The following FOXP1 variants were observed in gnomAD, a reference collection of about 807,000 sequenced individuals.
FOXP1 encodes the protein forkhead box P1.
FOXP1 carries 15 observed loss-of-function variants against 98.2 expected under a neutral mutation model. The observed-to-expected ratio is 0.15, with a 90% CI of 0.10 to 0.24. The LOEUF (loss-of-function observed/expected upper bound fraction) is 0.24, where lower values mean the gene tolerates loss of function less well. Ranked by LOEUF, FOXP1 falls within the 10% of genes least tolerant of loss-of-function variation. The probability of loss-of-function intolerance (pLI) is 1.00; values close to 1 mark genes in which losing one functional copy is unlikely to be tolerated. For synonymous variants in FOXP1, 371 were observed against 314.5 expected, an observed-to-expected ratio of 1.18 and a Z score of -1.90; for missense variants, 633 against 848.5, an observed-to-expected ratio of 0.75 and a Z score of 3.15.
At chr3:71,398,136 T>A (rs2081676964) in intron 3 of FOXP1, among the ~76,000 whole-genome samples, 1 of 152,260 alleles carries the variant, frequency 6.6e-6, no homozygotes, top group South Asian at 2.1e-4. Flanking sequence ...AACATTATTT[T>A]AACAGAGCTT....
At chr3:71,335,231 G>A (rs1205595840) in intron 4 of FOXP1, 1 of 152,118 alleles carries the variant, frequency 6.6e-6, no homozygotes, top group Non-Finnish European at 1.5e-5. Context: ...ATTACAGTGA[G>A]CTATAATCGT....
chr3:70,972,376 G>C, intron 18 of FOXP1, 179 bp downstream of exon 18: 2 of 966,754 alleles, frequency 2.1e-6, no homozygotes, highest in South Asian at 1.4e-5. Context: ...CCAGCAAGCA[G>C]GGCAGGGGGA....
chr3:71,193,095 C>T (rs2063088818), intron 6 of FOXP1, among the ~76,000 whole-genome samples: 1 of 152,130 alleles, frequency 6.6e-6, no homozygotes, highest in Non-Finnish European at 1.5e-5. Flanking sequence ...TCAGGTTCCT[C>T]TGGCACTGTA....
At chr3:71,011,299 T>A (rs546394882) in intron 12 of FOXP1, among the ~76,000 whole-genome samples, 1 of 152,122 alleles carries the variant, frequency 6.6e-6, no homozygotes, top group East Asian at 1.9e-4. Flanking sequence ...GGAGGCAGCA[T>A]GTAATGCAAG....
chr3:71,082,525 G>A (rs1366566183), intron 7 of FOXP1, among the ~76,000 whole-genome samples: 2 of 151,808 alleles, frequency 1.3e-5, no homozygotes, highest in Admixed American at 6.6e-5. Flanking sequence ...ACCTAATGTA[G>A]ATGACGGGTT....
intron 3 of FOXP1, among the ~76,000 whole-genome samples, chr3:71,382,046 C>T (rs973859710): frequency 1.3e-5 from 2 of 152,124 alleles, no homozygotes; most frequent in African/African-American, 2.4e-5. Context: ...CCTAGGCAGG[C>T]GAGTTTCTTG....
At chr3:71,581,108 G>A (rs1386990678) in intron 2 of FOXP1, 1 of 971,924 alleles carries the variant, frequency 1.0e-6, no homozygotes. Flanking sequence ...TTCATTTTGG[G>A]TCTTCTGGTA....
chr3:71,408,627 G>A (rs1577350165), intron 3 of FOXP1, among the ~76,000 whole-genome samples: 1 of 152,246 alleles, frequency 6.6e-6, no homozygotes, highest in African/African-American at 2.4e-5. Flanking sequence ...GAAGCATTTA[G>A]ATGAGATAGT....
At chr3:71,308,645 C>A (rs2074451048) in intron 4 of FOXP1, among the ~76,000 whole-genome samples, 1 of 151,766 alleles carries the variant, frequency 6.6e-6, no homozygotes, top group Non-Finnish European at 1.5e-5. Context: ...AAACTGTCGC[C>A]CAAGGATCCT....
At chr3:71,418,476 A>G (rs531010499) in intron 3 of FOXP1, among the ~76,000 whole-genome samples, 1 of 152,328 alleles carries the variant, frequency 6.6e-6, no homozygotes, top group Non-Finnish European at 1.5e-5. Flanking sequence ...GCTAGGTTCA[A>G]ATGGCAAGGG....
chr3:71,444,652 C>T (rs1017635524), intron 3 of FOXP1, among the ~76,000 whole-genome samples: 2 of 152,124 alleles, frequency 1.3e-5, no homozygotes, highest in African/African-American at 2.4e-5. Context: ...TGCCAGCTGC[C>T]TGGAATTGCT....
chr3:71,162,516 C>T (rs989058303), intron 6 of FOXP1, among the ~76,000 whole-genome samples: 2 of 152,196 alleles, frequency 1.3e-5, no homozygotes, highest in African/African-American at 4.8e-5. Flanking sequence ...CTGCCCATTC[C>T]AATCCAATAT....
chr3:70,964,490 C>A (rs1357433186), intron 20 of FOXP1, among the ~76,000 whole-genome samples: 2 of 152,184 alleles, frequency 1.3e-5, no homozygotes, highest in African/African-American at 4.8e-5. Context: ...CATTCAATAA[C>A]CAGACATTTT....
At chr3:71,558,254 C>A (rs539927062) in intron 2 of FOXP1, among the ~76,000 whole-genome samples, 27 of 152,286 alleles carry the variant, frequency 1.8e-4, no homozygotes, top group Admixed American at 2.0e-4. Context: ...CTGAAGGAAA[C>A]CTTCCTCTGA....
intron 3 of FOXP1, among the ~76,000 whole-genome samples, chr3:71,486,899 C>G (rs1425705817): frequency 6.6e-6 from 1 of 152,168 alleles, no homozygotes; most frequent in Non-Finnish European, 1.5e-5. Flanking sequence ...GCCTTCCTCC[C>G]TGGTACAGCT....
At chr3:71,140,150 T>C (rs1401503151) in intron 6 of FOXP1, among the ~76,000 whole-genome samples, 2 of 152,208 alleles carry the variant, frequency 1.3e-5, no homozygotes, top group Non-Finnish European at 2.9e-5. Flanking sequence ...GGATCAATGA[T>C]TTCAGATTTT....
At chr3:71,438,992 C>T (rs908519712) in intron 3 of FOXP1, among the ~76,000 whole-genome samples, 3 of 150,406 alleles carry the variant, frequency 2.0e-5, no homozygotes, top group Non-Finnish European at 3.0e-5. Context: ...GGAGCTACAA[C>T]CCGCTCTCCA....
intron 2 of FOXP1, among the ~76,000 whole-genome samples, chr3:71,546,039 T>C (rs926983361): frequency 1.3e-5 from 2 of 152,188 alleles, no homozygotes; most frequent in Non-Finnish European, 2.9e-5. Context: ...GTGGAGACAA[T>C]GCACTTGACC....
intron 3 of FOXP1, among the ~76,000 whole-genome samples, chr3:71,362,512 C>T (rs931227671): frequency 5.3e-5 from 8 of 152,178 alleles, no homozygotes; most frequent in Non-Finnish European, 4.4e-5. Context: ...CTCTGTTGCT[C>T]AGGCTGCAGT....
Sources: allele counts gnomAD v4.1 joint callset (sites outside exome capture counted in the v4.1 genomes callset), GRCh38; gene constraint gnomAD v4.1.1; transcripts MANE v1.5; gene names NCBI Gene and HGNC (gene_info 2026-07-23, HGNC 2026-07-21).